NAALADL2: variants seen among roughly 807,000 people sequenced by gnomAD.
NAALADL2 encodes the protein inactive N-acetylated-alpha-linked acidic dipeptidase-like protein 2.
Under a neutral mutation model 87.2 loss-of-function variants are expected in NAALADL2, and 76 were observed. That is an observed-to-expected ratio of 0.87 (90% CI 0.72 to 1.05). NAALADL2 has a LOEUF of 1.05. NAALADL2 is among the 50% of genes least tolerant of loss of function. The pLI, the probability that NAALADL2 is intolerant of heterozygous loss-of-function variation, is 0.00. For missense variants in NAALADL2, 1,089 were observed against 945.8 expected (o/e 1.15, Z -1.99); for synonymous variants, 354 against 331.0 (o/e 1.07, Z -0.75).
At chr3:174,562,163 A>G (rs1713700992) in intron 2 of NAALADL2, among the ~76,000 whole-genome samples, 2 of 152,164 alleles carry the variant, frequency 1.3e-5, no homozygotes, top group African/African-American at 2.4e-5. Context: ...TTTCAGTACT[A>G]TATTTAACTA....
intron 12 of NAALADL2, 105 bp from the exon 13 acceptor site, chr3:175,755,115 C>A: frequency 1.1e-6 from 1 of 883,184 alleles, no homozygotes; most frequent in South Asian, 1.8e-5. Flanking sequence ...CCTCTTCCTT[C>A]TTCAGTGGTC....
intron 1 of NAALADL2, among the ~76,000 whole-genome samples, chr3:174,533,403 TTTCTC>T: frequency 6.6e-6 from 1 of 152,228 alleles, no homozygotes; most frequent in Non-Finnish European, 1.5e-5. Flanking sequence ...CAACTCCTGT[TTTCTC>T]TTCTCTGTTA....
intron 1 of NAALADL2, among the ~76,000 whole-genome samples, chr3:175,042,159 G>A (rs148092203): frequency 0.01 from 1,584 of 152,092 alleles, 26 homozygotes; most frequent in African/African-American, 0.036. Context: ...ACATATGTGC[G>A]ATCATATGAT....
At chr3:175,382,850 A>AG (rs1767946871) in intron 5 of NAALADL2, among the ~76,000 whole-genome samples, 1 of 152,042 alleles carries the variant, frequency 6.6e-6, no homozygotes, top group African/African-American at 2.4e-5. Flanking sequence ...TTTTAAAAAA[A>AG]TAAGAGGAAT....
chr3:174,727,230 T>C (rs1331325922), intron 2 of NAALADL2, among the ~76,000 whole-genome samples: 1 of 147,134 alleles, frequency 6.8e-6, no homozygotes, highest in Non-Finnish European at 1.5e-5. Flanking sequence ...TACAAATTTT[T>C]CGATCACCTG....
At chr3:175,405,995 G>C (rs75958039) in intron 5 of NAALADL2, among the ~76,000 whole-genome samples, 1 of 152,122 alleles carries the variant, frequency 6.6e-6, no homozygotes, top group Admixed American at 6.6e-5. Flanking sequence ...GGGGAACATA[G>C]TAAGTGCTGA....
chr3:175,740,951 A>T (rs1745159487), intron 12 of NAALADL2, among the ~76,000 whole-genome samples: 1 of 152,166 alleles, frequency 6.6e-6, no homozygotes, highest in Non-Finnish European at 1.5e-5. Context: ...AAAAGTATGG[A>T]GTCAAGGAAG....
At chr3:175,556,859 G>C (rs916920478) in intron 9 of NAALADL2, among the ~76,000 whole-genome samples, 1 of 152,124 alleles carries the variant, frequency 6.6e-6, no homozygotes, top group African/African-American at 2.4e-5. Context: ...GGTTTTAACA[G>C]TCTCATTCTT....
intron 2 of NAALADL2, among the ~76,000 whole-genome samples, chr3:174,669,328 T>C (rs913724337): frequency 6.6e-6 from 1 of 152,120 alleles, no homozygotes; most frequent in Non-Finnish European, 1.5e-5. Context: ...CTTTGTCAGA[T>C]GAGTAGATTG....
intron 1 of NAALADL2, among the ~76,000 whole-genome samples, chr3:174,970,245 T>A (rs1743442788): frequency 6.6e-6 from 1 of 152,196 alleles, no homozygotes; most frequent in Admixed American, 6.5e-5. Flanking sequence ...AGACTACATT[T>A]CAATGCACTT....
chr3:175,532,306 A>G (rs1734192919), intron 9 of NAALADL2, among the ~76,000 whole-genome samples: 1 of 152,200 alleles, frequency 6.6e-6, no homozygotes, highest in African/African-American at 2.4e-5. Context: ...TCCCTTTTCC[A>G]TAGCACAGTT....
intron 4 of NAALADL2, among the ~76,000 whole-genome samples, chr3:175,270,352 G>A (rs1752634977): frequency 6.6e-6 from 1 of 152,168 alleles, no homozygotes; most frequent in Non-Finnish European, 1.5e-5. Context: ...GCAGAGTATG[G>A]TAAAAATCAA....
rs113807499 is a variant in NAALADL2, at chr3:175,731,965, A to G, written c.1897-5341A>G. ...AAAAAATCAATCAGAATCCTTCTTA[A>G]TTTCTTTTAAAAATCCTTTTTATAA... On this transcript the variant is annotated intron_variant, in intron 11 of 13. Transcript: ENST00000454872. 2.7e-3 allele frequency among the ~76,000 whole-genome samples: 405 copies of G among 152,258 alleles called. 1 individual carries two copies. The highest frequency in any genetic ancestry group is 9.2e-3 in the African/African-American group (382 of 41,564).
At chr3:175,429,993 C>G (rs1434018391) in intron 5 of NAALADL2, among the ~76,000 whole-genome samples, 1 of 151,720 alleles carries the variant, frequency 6.6e-6, no homozygotes, top group African/African-American at 2.4e-5. Context: ...TACAGGGAAA[C>G]AAAATGTGGG....
intron 3 of NAALADL2, among the ~76,000 whole-genome samples, chr3:174,778,637 C>G (rs576244613): frequency 2.6e-5 from 4 of 152,000 alleles, no homozygotes; most frequent in Non-Finnish European, 5.9e-5. Flanking sequence ...TAGACCCCCA[C>G]CCTGCAACAG....
At chr3:174,998,301 T>C (rs1419249483) in intron 1 of NAALADL2, among the ~76,000 whole-genome samples, 3 of 152,228 alleles carry the variant, frequency 2.0e-5, no homozygotes, top group Non-Finnish European at 4.4e-5. Flanking sequence ...TGGAAACTCA[T>C]ATTCCCATCC....
intron 2 of NAALADL2, among the ~76,000 whole-genome samples, chr3:175,110,334 T>C (rs954871831): frequency 2.6e-5 from 4 of 151,844 alleles, no homozygotes; most frequent in African/African-American, 9.7e-5. Flanking sequence ...TGTTAACTTT[T>C]AAAAAATACA....
intron 1 of NAALADL2, among the ~76,000 whole-genome samples, chr3:174,483,005 T>C (rs563979655): frequency 1.3e-5 from 2 of 152,114 alleles, no homozygotes. Flanking sequence ...TTGTGCTTTA[T>C]TATTAGCAAC....
chr3:175,150,212 A>T (rs1361452832), intron 2 of NAALADL2, among the ~76,000 whole-genome samples: 1 of 152,170 alleles, frequency 6.6e-6, no homozygotes, highest in Non-Finnish European at 1.5e-5. Context: ...TTGTTGCCTC[A>T]GTTTTTCTGT....
Sources: allele counts gnomAD v4.1 joint callset (sites outside exome capture counted in the v4.1 genomes callset), GRCh38; gene constraint gnomAD v4.1.1; transcripts MANE v1.5; gene names NCBI Gene and HGNC (gene_info 2026-07-23, HGNC 2026-07-21).